TM9SF3: variants seen among roughly 807,000 people sequenced by gnomAD.
TM9SF3 encodes SM-11044-binding protein.
Under a neutral mutation model 78.6 loss-of-function variants are expected in TM9SF3, and 14 were observed. The observed-to-expected ratio is 0.18, with a 90% CI of 0.12 to 0.28. The LOEUF (loss-of-function observed/expected upper bound fraction) is 0.28. Among genes scored for constraint, TM9SF3 ranks in the 10% least tolerant of loss-of-function variants. TM9SF3 has a pLI of 1.00. For missense variants in TM9SF3, 496 were observed against 721.9 expected (o/e 0.69, Z 3.59); for synonymous variants, 231 against 241.7 (o/e 0.96, Z 0.41).
chr10:96,535,445 T>C (rs558549020), intron 9 of TM9SF3, among the ~76,000 whole-genome samples: 1 of 152,374 alleles, frequency 6.6e-6, no homozygotes, highest in African/African-American at 2.4e-5. Context: ...CCCCTTGATA[T>C]TAGATTTGTA....
At chr10:96,527,137 A>T (rs1029424725) in intron 14 of TM9SF3, 76 bp downstream of exon 14, 2 of 1,290,322 alleles carry the variant, frequency 1.5e-6, no homozygotes, top group African/African-American at 3.0e-5. Flanking sequence ...AAATTTCTTA[A>T]TTTCCAATTA....
Position 96,543,953 on chromosome 10 carries a change from G to A in TM9SF3, c.1185+123C>T. On this transcript the variant is annotated intron_variant, in intron 9 of 14. Coordinates refer to ENST00000371142, the MANE Select transcript of TM9SF3 (RefSeq NM_020123.4). ...AGTATTCTCCTCATCTAACTTTCCA[G>A]GACTGAGTATGAACTGACTGAAACC... 2.9e-6 allele frequency: 3 copies of A among 1,036,436 alleles called. No individual in the cohort carries two copies. The East Asian group carries it at 8.4e-5, about 29-fold the overall frequency. The allele number at this position is 1,036,436 out of a possible 1,614,324, so 64.2% of individuals were successfully genotyped here.
chr10:96,532,476 T>TTATA (rs59557354), intron 10 of TM9SF3, among the ~76,000 whole-genome samples: 1 of 151,626 alleles, frequency 6.6e-6, no homozygotes, highest in African/African-American at 2.4e-5. Flanking sequence ...GACAGAGACT[T>TTATA]TATATATATA....
At position 96,520,123 on chromosome 10, in the gene TM9SF3, G is replaced by C. The variant is rs1446133284; in HGVS notation, c.*2140C>G. On this transcript the variant is annotated 3_prime_UTR_variant, in exon 15 of 15. Transcript: ENST00000371142. ...CTCCCATCAGACAGACTATGTATTG[G>C]TATGTTAAAAGTACTTTTGAATAAA... 6.6e-6 allele frequency: 1 copy of C among 151,796 alleles called. No homozygotes were observed. Among genetic ancestry groups the C allele is most frequent in the Non-Finnish European group, 1.5e-5 (1 of 67,786 alleles). 9.4% of individuals were successfully genotyped at this position (151,796 alleles called of 1,614,324 possible).
intron 1 of TM9SF3, among the ~76,000 whole-genome samples, chr10:96,583,921 C>T (rs987796337): frequency 2.6e-5 from 4 of 152,112 alleles, no homozygotes; most frequent in Admixed American, 1.3e-4. Context: ...GTAATCACAG[C>T]TACTAGGGAG....
chr10:96,582,342 T>C lies in TM9SF3; in HGVS notation c.102+4392A>G, dbSNP rs1319260759. ...CTTTCTGTGGCCTTGAGCAAGTCTC[T>C]GAACCTGTACAGGCCATTAGGAAAA... On this transcript the variant is annotated intron_variant, in intron 1 of 14. Transcript: ENST00000371142. Among the ~76,000 whole-genome samples, 3 of 152,236 alleles carry C rather than the reference T, an allele frequency of 2.0e-5. No homozygotes were observed. The East Asian group carries it at 5.8e-4, about 29-fold the overall frequency.
At chr10:96,538,379 G>A (rs1034928228) in intron 9 of TM9SF3, among the ~76,000 whole-genome samples, 2 of 151,878 alleles carry the variant, frequency 1.3e-5, no homozygotes, top group African/African-American at 4.8e-5. Flanking sequence ...ATATAAAATT[G>A]GCCAAAAATG....
At chr10:96,581,439 A>G (rs772163917) in intron 1 of TM9SF3, among the ~76,000 whole-genome samples, 6 of 152,208 alleles carry the variant, frequency 3.9e-5, no homozygotes, top group Non-Finnish European at 7.3e-5. Context: ...TGTTCCAGAA[A>G]TCATAATTTC....
intron 1 of TM9SF3, among the ~76,000 whole-genome samples, chr10:96,582,854 C>T (rs924999778): frequency 1.5e-4 from 23 of 151,992 alleles, no homozygotes; most frequent in Middle Eastern, 3.4e-3. Context: ...CCGAGGCAGG[C>T]GGATCACCTG....
intron 3 of TM9SF3, 56 bp from the exon 4 acceptor site, chr10:96,562,194 CTACAAGCTAAATGCT>C (rs1848316497): frequency 1.5e-6 from 2 of 1,330,776 alleles, no homozygotes; most frequent in African/African-American, 3.1e-5. Context: ...TTAAAATATC[CTACAAGCTAAATGCT>C]CATTAAGTTT....
intron 9 of TM9SF3, among the ~76,000 whole-genome samples, chr10:96,541,155 T>C (rs1378842757): frequency 6.6e-6 from 1 of 152,094 alleles, no homozygotes; most frequent in African/African-American, 2.4e-5. Flanking sequence ...TGGTTCTTTG[T>C]CCTTTGGAAT....
In TM9SF3 at chr10:96,551,348, T is replaced by G. The variant is rs1848167418; in HGVS notation, c.856A>C (p.Ser286Arg). The change falls in exon 7 of 15, where the codon AGT becomes CGT. Residue 286 changes from serine to arginine, a missense_variant. Transcript: ENST00000371142. ...QVHGDVFRPS[S>R]HPLIFSSLIG... ...AGAGAGGAAAATATCAGTGGGTGACTTGATGGTCTAAATACATCTCCATGC... is the reference window on the plus strand; with the variant it reads ...AGAGAGGAAAATATCAGTGGGTGACGTGATGGTCTAAATACATCTCCATGC... 2 of 1,612,820 alleles carry G rather than the reference T, an allele frequency of 1.2e-6. No individual in the cohort carries two copies. Among genetic ancestry groups the G allele is most frequent in the African/African-American group, 2.7e-5 (2 of 74,892 alleles).
intron 2 of TM9SF3, among the ~76,000 whole-genome samples, chr10:96,576,079 C>T (rs183646876): frequency 1.4e-3 from 219 of 152,114 alleles, no homozygotes; most frequent in African/African-American, 5.2e-3. Context: ...ACATGTTAAG[C>T]CTATGGTACA....
intron 2 of TM9SF3, among the ~76,000 whole-genome samples, chr10:96,572,730 G>A (rs950671032): frequency 2.6e-5 from 4 of 151,474 alleles, no homozygotes; most frequent in African/African-American, 7.3e-5. Flanking sequence ...GGGTTTCACC[G>A]TGGTCTCGAC....
chr10:96,565,426 T>C lies in TM9SF3; in HGVS notation c.299A>G (p.Asp100Gly). The C allele has an allele frequency of 1.3e-6, 2 of 1,542,590 alleles. No individual in the cohort carries two copies. Among genetic ancestry groups the C allele is most frequent in the South Asian group, 2.5e-5 (2 of 78,688 alleles). The change falls in exon 3 of 15, where the codon GAT (aspartate) becomes GGT (glycine). Residue 100 changes from aspartate to glycine, a missense_variant and splice_region_variant. Around this residue, in one of 4 missense-constraint regions of TM9SF3, gnomAD observed 155 missense variants for 241.6 expected, o/e 0.64. Transcript: ENST00000371142. The part of the protein sequence containing the change: ...EFSGLDIKFK[D>G]DVMPATYCEI... Reference sequence around the variant, plus strand: ...ACAGTAAGTGGCTGGCATCACATCATCTGCACAAAATAAAAATTGCAAATT... The same window carrying C: ...ACAGTAAGTGGCTGGCATCACATCACCTGCACAAAATAAAAATTGCAAATT...
chr10:96,580,457 G>A lies in TM9SF3; in HGVS notation c.103-3628C>T, dbSNP rs541158415. Among the ~76,000 whole-genome samples the A allele has an allele frequency of 4.6e-5, 7 of 152,080 alleles. No homozygotes were observed. The East Asian group carries it at 5.8e-4, about 13-fold the overall frequency. On this transcript the variant is annotated intron_variant, in intron 1 of 14. Transcript: ENST00000371142. ...ATTTTTTGTATTTTTTAGTAGAGAC[G>A]GGGTTTCACCATGTTAGCCAGGACG...
chr10:96,531,158 CACAA>C lies in TM9SF3; in HGVS notation c.1326-554_1326-551del, dbSNP rs547247842. Reference sequence around the variant, plus strand: ...AAATTGAAACTTCATTCATTCATTCCACAAACATTTACTGACTGTAATTGGTAAT... The same window carrying C: ...AAATTGAAACTTCATTCATTCATTCCACATTTACTGACTGTAATTGGTAAT... On this transcript the variant is annotated intron_variant, in intron 10 of 14. Transcript: ENST00000371142. Among the ~76,000 whole-genome samples, 54 of 152,242 alleles carry C rather than the reference CACAA, an allele frequency of 3.5e-4. 1 individual carries two copies. The highest frequency in any genetic ancestry group is 1.1e-3 in the African/African-American group (46 of 41,536).
At chr10:96,578,619 C>A (rs971291416) in intron 1 of TM9SF3, among the ~76,000 whole-genome samples, 5 of 152,186 alleles carry the variant, frequency 3.3e-5, no homozygotes, top group African/African-American at 1.2e-4. Flanking sequence ...GGGAGACTGA[C>A]AAATATATGT....
Position 96,521,180 on chromosome 10 carries a change from A to G in TM9SF3, c.*1083T>C, listed in dbSNP as rs528648833. On this transcript the variant is annotated 3_prime_UTR_variant, in exon 15 of 15. Coordinates refer to ENST00000371142, the MANE Select transcript of TM9SF3 (RefSeq NM_020123.4). ...GACACACACATTTTGAAGAAACCCCAATGTTTCATGCAATGGTAGGCAAGA... is the reference window on the plus strand; with the variant it reads ...GACACACACATTTTGAAGAAACCCCGATGTTTCATGCAATGGTAGGCAAGA... 5 of 321,332 alleles carry G rather than the reference A, an allele frequency of 1.6e-5. No homozygotes were observed. Among genetic ancestry groups the G allele is most frequent in the Non-Finnish European group, 2.8e-5 (5 of 177,026 alleles). The allele number at this position is 321,332 out of a possible 1,614,324, so 19.9% of individuals were successfully genotyped here.
Sources: allele counts gnomAD v4.1 joint callset (sites outside exome capture counted in the v4.1 genomes callset), GRCh38; gene constraint gnomAD v4.1.1; regional missense constraint gnomAD v4.1.1; transcripts MANE v1.5; gene names NCBI Gene and HGNC (gene_info 2026-07-23, HGNC 2026-07-21).